KCNQ1: variants seen among roughly 807,000 people sequenced by gnomAD.
KCNQ1 encodes the protein potassium voltage-gated channel subfamily KQT member 1.
KCNQ1 carries 49 observed loss-of-function variants against 72.4 expected under a neutral mutation model. The ratio of observed to expected loss-of-function variants is 0.68; its 90% CI spans 0.54 to 0.86. The LOEUF is 0.86. KCNQ1 is among the 40% of genes least tolerant of loss of function. The pLI is 0.00. For synonymous variants in KCNQ1, 450 were observed against 412.6 expected, an observed-to-expected ratio of 1.09 and a Z score of -1.10; for missense variants, 790 against 945.1, an observed-to-expected ratio of 0.84 and a Z score of 2.15.
Position 2,588,568 on chromosome 11 carries a change from G to A in KCNQ1, c.1252-145G>A. On this transcript the variant is annotated intron_variant, in intron 9 of 15. Transcript: ENST00000155840. The surrounding 1 kb of genome is among the most constrained non-coding windows in gnomAD (Gnocchi z 5.6). Reference sequence around the variant, plus strand: ...TGCCCTGTCTCTGTGTGAAGACACTGGAGCTGGCCCCAGGCCTCAGGTCCC... The same window carrying A: ...TGCCCTGTCTCTGTGTGAAGACACTAGAGCTGGCCCCAGGCCTCAGGTCCC... The A allele has an allele frequency of 1.0e-6, 1 of 974,444 alleles. No homozygotes were observed. Among genetic ancestry groups the A allele is most frequent in the South Asian group, 1.4e-5 (1 of 72,062 alleles). 60.4% of individuals were successfully genotyped at this position (974,444 alleles called of 1,614,324 possible). A position where few individuals can be genotyped will look rare whatever the true frequency, so the allele number is the denominator to read the frequency against.
chr11:2,522,332 G>A (rs1589927545), intron 1 of KCNQ1, among the ~76,000 whole-genome samples: 2 of 152,094 alleles, frequency 1.3e-5, no homozygotes, highest in Admixed American at 1.3e-4. Context: ...TTCCCACTCC[G>A]AGTCCAAAAC....
At chr11:2,839,337 G>T (rs1272630499) in intron 15 of KCNQ1, among the ~76,000 whole-genome samples, 2 of 152,222 alleles carry the variant, frequency 1.3e-5, no homozygotes, top group South Asian at 2.1e-4. Context: ...CTCCCTCCAT[G>T]ACCTCTGTCC....
chr11:2,797,212 TG>T (rs1187491552), intron 15 of KCNQ1, among the ~76,000 whole-genome samples: 1 of 152,080 alleles, frequency 6.6e-6, no homozygotes. Context: ...TGCTGGGGGC[TG>T]GGCCACGGAG....
At chr11:2,721,074 T>C (rs1266229952) in intron 11 of KCNQ1, among the ~76,000 whole-genome samples, 1 of 152,072 alleles carries the variant, frequency 6.6e-6, no homozygotes, top group Non-Finnish European at 1.5e-5. Context: ...TTAAAGCTTG[T>C]AAAGAGTTTC....
intron 15 of KCNQ1, among the ~76,000 whole-genome samples, chr11:2,789,379 T>C (rs1447547193): frequency 2.6e-5 from 4 of 152,228 alleles, no homozygotes; most frequent in Non-Finnish European, 5.9e-5. Context: ...AGGGTCGGGC[T>C]TTGCATGCAA....
intron 11 of KCNQ1, among the ~76,000 whole-genome samples, chr11:2,763,746 C>T (rs1034463689): frequency 6.6e-6 from 1 of 152,022 alleles, no homozygotes; most frequent in East Asian, 1.9e-4. Context: ...ATTTTTTCTA[C>T]AGATGGGGTC....
chr11:2,706,133 C>T (rs550473037), intron 11 of KCNQ1, among the ~76,000 whole-genome samples: 3 of 152,338 alleles, frequency 2.0e-5, no homozygotes, highest in South Asian at 2.1e-4. Context: ...TTTGACAATC[C>T]GTTCTTCCGG....
At chr11:2,539,882 C>T (rs780951263) in intron 2 of KCNQ1, among the ~76,000 whole-genome samples, 2 of 152,200 alleles carry the variant, frequency 1.3e-5, no homozygotes, top group South Asian at 2.1e-4. Flanking sequence ...GCAGGGGAGC[C>T]GGCGGGCCGG....
rs1421278723 is a variant in KCNQ1, at chr11:2,816,827, C to T, written c.1795-30940C>T. On this transcript the variant is annotated intron_variant, in intron 15 of 15. Coordinates refer to ENST00000155840, the MANE Select transcript of KCNQ1 (RefSeq NM_000218.3). The surrounding 1 kb of genome is among the most constrained non-coding windows in gnomAD (Gnocchi z 6.8). ...GAGCCCCTGCCCCCTCCATTTCAGA[C>T]ATCTCCATCTGATGTCTGAGCCCTG... Among the ~76,000 whole-genome samples the T allele has an allele frequency of 2.6e-5, 4 of 151,992 alleles. No individual in the cohort carries two copies. The highest frequency in any genetic ancestry group is 9.7e-5 in the African/African-American group (4 of 41,400).
At chr11:2,548,824 G>C (rs1004702540) in intron 2 of KCNQ1, among the ~76,000 whole-genome samples, 1 of 152,258 alleles carries the variant, frequency 6.6e-6, no homozygotes, top group Non-Finnish European at 1.5e-5. Context: ...CAGACACACA[G>C]CCTGACTTGG....
chr11:2,751,388 G>A (rs974515701), intron 11 of KCNQ1, among the ~76,000 whole-genome samples: 1 of 152,252 alleles, frequency 6.6e-6, no homozygotes, highest in Non-Finnish European at 1.5e-5. Context: ...CCCGGAAGGG[G>A]GCTCTATGGG....
intron 15 of KCNQ1, among the ~76,000 whole-genome samples, chr11:2,837,126 G>A (rs114855551): frequency 0.012 from 1,801 of 152,264 alleles, 10 homozygotes; most frequent in African/African-American, 0.018. Flanking sequence ...CATGGTGTGC[G>A]TGTTTGGGAG....
At position 2,710,014 on chromosome 11, in the gene KCNQ1, A is replaced by G. The variant is rs1850978372; in HGVS notation, c.1514+47933A>G. ...CTTGAGTATTCACAGAGGAGTAGAA[A>G]CGCTGGGTCATATGGTGACTCCATA... On this transcript the variant is annotated intron_variant, in intron 11 of 15. Transcript: ENST00000155840. This position sits in a 1 kb window ranked among gnomAD's most constrained non-coding sequence, Gnocchi z 4.1. 6.6e-6 allele frequency among the ~76,000 whole-genome samples: 1 copy of G among 152,192 alleles called. No homozygotes were observed. The highest frequency in any genetic ancestry group is 6.5e-5 in the Admixed American group (1 of 15,288).
intron 15 of KCNQ1, among the ~76,000 whole-genome samples, chr11:2,821,296 C>T (rs182355946): frequency 1.5e-4 from 23 of 152,290 alleles, no homozygotes; most frequent in African/African-American, 5.3e-4. Flanking sequence ...GCACTGCAAG[C>T]GAGAGGATGG....
At position 2,475,652 on chromosome 11, in the gene KCNQ1, A is replaced by G. The variant is rs1846558508; in HGVS notation, c.386+30168A>G. Among the ~76,000 whole-genome samples, 1 of 152,156 alleles carries G rather than the reference A, an allele frequency of 6.6e-6. No individual in the cohort carries two copies. The highest frequency in any genetic ancestry group is 2.4e-5 in the African/African-American group (1 of 41,420). ...AGCTGTAACTTTCATGAAGACAGTG[A>G]CGTGGTTTGTCACTGCCCGGATCTC... On this transcript the variant is annotated intron_variant, in intron 1 of 15. Coordinates refer to ENST00000155840, the MANE Select transcript of KCNQ1 (RefSeq NM_000218.3). This position sits in a 1 kb window ranked among gnomAD's most constrained non-coding sequence, Gnocchi z 5.8.
At chr11:2,635,093 A>G (rs190284949) in intron 10 of KCNQ1, 3 of 152,326 alleles carry the variant, frequency 2.0e-5, no homozygotes, top group Admixed American at 1.3e-4. Flanking sequence ...CTTTTATCAG[A>G]TGAGTAGATT....
intron 2 of KCNQ1, among the ~76,000 whole-genome samples, chr11:2,542,642 C>A (rs1002757868): frequency 6.6e-6 from 1 of 152,168 alleles, no homozygotes. Flanking sequence ...CGGAGGGGAC[C>A]CCTGGTCTGT....
At chr11:2,609,541 T>C (rs753828636) in intron 10 of KCNQ1, 137 of 398,350 alleles carry the variant, frequency 3.4e-4, no homozygotes, top group Middle Eastern at 2.5e-3. Flanking sequence ...TTGAGTCTAG[T>C]TGGTTTATGG....
chr11:2,499,532 AC>A (rs61315609), intron 1 of KCNQ1, among the ~76,000 whole-genome samples: 9,317 of 140,374 alleles, frequency 0.066, 487 homozygotes, highest in African/African-American at 0.097. Context: ...CCCTGCCCCC[AC>A]AAAAAAAGAC....
Sources: gnomAD v4.1 joint callset for allele counts (sites outside exome capture counted in the v4.1 genomes callset) on GRCh38, gnomAD v4.1.1 for gene constraint, Gnocchi (gnomAD v3.1) non-coding constraint, MANE v1.5 for transcripts, NCBI Gene and HGNC (gene_info 2026-07-23, HGNC 2026-07-21) for gene names.